Variants in PRELID2 observed in about 807,000 individuals in gnomAD.
PRELID2 encodes the protein PRELI domain-containing protein 2.
A neutral mutation model predicts 28.4 loss-of-function variants in PRELID2; 25 were observed. The observed-to-expected ratio is 0.88, with a 90% CI of 0.64 to 1.23. The LOEUF (loss-of-function observed/expected upper bound fraction) is 1.23, where lower values mean the gene tolerates loss of function less well. Ranked by LOEUF, PRELID2 falls within the 50% of genes most tolerant of loss-of-function variation. PRELID2 has a pLI of 0.00. For synonymous variants in PRELID2, 76 were observed against 71.6 expected (o/e 1.06, Z -0.31); for missense variants, 201 against 214.4 (o/e 0.94, Z 0.39).
chr5:145,229,834 A>C, the PRELID2 span: 1 of 760,248 alleles, frequency 1.3e-6, no homozygotes, highest in African/African-American at 1.7e-5. Context: ...TGCATCGCCA[A>C]GTCCCAGGAG....
At chr5:145,634,081 A>G (rs1012762213) in intron 1 of PRELID2, among the ~76,000 whole-genome samples, 6 of 152,176 alleles carry the variant, frequency 3.9e-5, no homozygotes, top group African/African-American at 1.4e-4. Flanking sequence ...GTGAGGAGAT[A>G]ATCCCAGAAA....
chr5:145,784,244 AAAAAAG>A (rs1212241568), intron 5 of PRELID2, among the ~76,000 whole-genome samples: 55 of 151,984 alleles, frequency 3.6e-4, no homozygotes, highest in Admixed American at 7.2e-4. Flanking sequence ...AAAAAAAAAA[AAAAAAG>A]AAAAGAAAAG....
chr5:145,343,998 C>T, the PRELID2 span, among the ~76,000 whole-genome samples: 1 of 151,724 alleles, frequency 6.6e-6, no homozygotes, highest in African/African-American at 2.4e-5. Flanking sequence ...TAATGAGTAG[C>T]AAGACTGAAT....
the PRELID2 span, among the ~76,000 whole-genome samples, chr5:145,318,818 A>G: frequency 6.6e-6 from 1 of 152,210 alleles, no homozygotes; most frequent in African/African-American, 2.4e-5. Flanking sequence ...CTTGGTACCC[A>G]GGTTCCTGTC....
the PRELID2 span, among the ~76,000 whole-genome samples, chr5:145,353,017 A>G: frequency 6.6e-6 from 1 of 152,110 alleles, no homozygotes; most frequent in Non-Finnish European, 1.5e-5. Context: ...ACGTTTTCCT[A>G]TCTTCTTCTG....
At chr5:145,791,028 T>C (rs1262530144) in intron 5 of PRELID2, among the ~76,000 whole-genome samples, 6 of 151,936 alleles carry the variant, frequency 3.9e-5, no homozygotes, top group African/African-American at 1.5e-4. Context: ...ATGGATGATG[T>C]CTGTTTTCAC....
chr5:145,475,680 C>A lies in PRELID2; in HGVS notation n.71-2365G>T, dbSNP rs1459840930. Among the ~76,000 whole-genome samples, 133 of 152,248 alleles carry A rather than the reference C, an allele frequency of 8.7e-4. 2 individuals are homozygous for A. Among genetic ancestry groups the A allele is most frequent in the Non-Finnish European group, 1.0e-4 (7 of 67,996 alleles). On this transcript the variant is annotated intron_variant and non_coding_transcript_variant, in intron 1 of 2. Transcript: ENST00000510259. ...TAGAGTTTAGGAACAAGATTTATTT[C>A]TTGTTTGAAAAGAATAGTATTAGCC...
chr5:145,815,473 T>C (rs1235691083), intron 4 of PRELID2, among the ~76,000 whole-genome samples: 3 of 152,228 alleles, frequency 2.0e-5, no homozygotes, highest in Admixed American at 6.5e-5. Context: ...AGGTTTAGTA[T>C]ATTCGCAGAG....
chr5:145,689,194 T>G (rs1038255066), intron 1 of PRELID2, among the ~76,000 whole-genome samples: 2 of 151,328 alleles, frequency 1.3e-5, no homozygotes, highest in African/African-American at 2.4e-5. Context: ...TTCCCAGGAG[T>G]TCAGAGGGTC....
At chr5:145,556,193 A>AAAAAG (rs1426959306) in intron 1 of PRELID2, among the ~76,000 whole-genome samples, 48 of 150,230 alleles carry the variant, frequency 3.2e-4, no homozygotes, top group African/African-American at 8.5e-4. Flanking sequence ...AAAAAAAAAA[A>AAAAAG]AAAAGAAAAG....
At chr5:145,250,052 T>A in the PRELID2 span, among the ~76,000 whole-genome samples, 1 of 152,098 alleles carries the variant, frequency 6.6e-6, no homozygotes, top group Non-Finnish European at 1.5e-5. Flanking sequence ...TTCTTTTCTT[T>A]ATAGATCTAG....
At chr5:145,554,198 G>A (rs1003105341) in intron 1 of PRELID2, among the ~76,000 whole-genome samples, 5 of 152,156 alleles carry the variant, frequency 3.3e-5, no homozygotes, top group Admixed American at 6.6e-5. Context: ...GGGAGATGAT[G>A]TGCCTGCCCA....
intron 1 of PRELID2, among the ~76,000 whole-genome samples, chr5:145,481,134 C>T (rs1338066269): frequency 6.6e-6 from 1 of 152,114 alleles, no homozygotes; most frequent in Non-Finnish European, 1.5e-5. Context: ...CCCTACTTTT[C>T]ACCTAGAGCT....
intron 1 of PRELID2, among the ~76,000 whole-genome samples, chr5:145,590,623 C>T (rs1193766304): frequency 6.6e-6 from 1 of 152,068 alleles, no homozygotes; most frequent in African/African-American, 2.4e-5. Context: ...GTATTAGTAC[C>T]AGTCTTACTA....
chr5:145,291,178 A>C, the PRELID2 span, among the ~76,000 whole-genome samples: 8 of 139,798 alleles, frequency 5.7e-5, no homozygotes, highest in East Asian at 1.6e-3. Context: ...TCTCTACTAA[A>C]AATACAAAAG....
intron 1 of PRELID2, among the ~76,000 whole-genome samples, chr5:145,683,020 A>G (rs919321281): frequency 1.3e-5 from 2 of 152,204 alleles, no homozygotes; most frequent in African/African-American, 4.8e-5. Flanking sequence ...TCCAAAGGGG[A>G]AAAAAGACCA....
intron 4 of PRELID2, among the ~76,000 whole-genome samples, chr5:145,801,889 C>T (rs181784829): frequency 5.1e-4 from 77 of 152,290 alleles, no homozygotes; most frequent in African/African-American, 1.7e-3. Context: ...CCATGTTACT[C>T]TCTTCCTTGC....
chr5:145,240,011 C>A, the PRELID2 span, among the ~76,000 whole-genome samples: 1 of 151,944 alleles, frequency 6.6e-6, no homozygotes, highest in Non-Finnish European at 1.5e-5. Flanking sequence ...ACATCTTTTG[C>A]CTCTTTTCTC....
intron 1 of PRELID2, among the ~76,000 whole-genome samples, chr5:145,685,041 T>A (rs1257299949): frequency 1.3e-5 from 2 of 152,190 alleles, no homozygotes; most frequent in Non-Finnish European, 2.9e-5. Context: ...GTCTTGTTGC[T>A]TCTACTTCCA....
Sources: gnomAD v4.1 joint callset for allele counts (sites outside exome capture counted in the v4.1 genomes callset) on GRCh38, gnomAD v4.1.1 for gene constraint, MANE v1.5 for transcripts, NCBI Gene and HGNC (gene_info 2026-07-23, HGNC 2026-07-21) for gene names.